The following KLC2 variants were observed in gnomAD, a reference collection of about 807,000 sequenced individuals.
KLC2 encodes the protein KLC 2.
Under a neutral mutation model 75.1 loss-of-function variants are expected in KLC2, and 35 were observed. That is an observed-to-expected ratio of 0.47 (90% CI 0.36 to 0.62). The LOEUF is 0.62. KLC2 is among the 20% of genes least tolerant of loss of function. The pLI is 0.00. For synonymous variants in KLC2, 314 were observed against 336.7 expected (o/e 0.93, Z 0.74); for missense variants, 611 against 833.2 (o/e 0.73, Z 3.28).
Position 66,262,138 on chromosome 11 carries a change from G to A in KLC2, c.475G>A (p.Val159Ile), listed in dbSNP as rs773382725. The A allele has an allele frequency of 1.4e-5, 23 of 1,613,302 alleles. No individual in the cohort carries two copies. Among genetic ancestry groups the A allele is most frequent in the South Asian group, 6.6e-5 (6 of 91,036 alleles). Residue 159 changes from valine to isoleucine, a missense_variant, in exon 4 of 16, where the codon GTC (valine) becomes ATC (isoleucine). Transcript: ENST00000394067. ...DASPNEEKGD[V>I]PKDTLDDLFP... Reference sequence around the variant, plus strand: ...TCCTTCCCAGGAGGAGAAGGGGGACGTCCCCAAAGACACACTGGATGACCT... The same window carrying A: ...TCCTTCCCAGGAGGAGAAGGGGGACATCCCCAAAGACACACTGGATGACCT...
At chr11:66,253,189 A>C (rs964317971), upstream of KLC2, among the ~76,000 whole-genome samples, 1 of 151,674 alleles carries the variant, frequency 6.6e-6, no homozygotes, top group South Asian at 2.1e-4. Context: ...GGCTAGTCTC[A>C]AACTCCTGAC....
chr11:66,261,002 T>G (rs1246074304), intron 2 of KLC2: 1 of 148,608 alleles, frequency 6.7e-6, no homozygotes, highest in Non-Finnish European at 1.5e-5. Context: ...GAGGCTGCAG[T>G]GAGCTGTGAC....
In KLC2 at chr11:66,261,936, C is replaced by A. The variant is rs1212852703; in HGVS notation, c.423C>A (p.Ser141Arg). ...AGAAGCAGCACTTGCTGTTCATGAG[C>A]CAGATCCGCAAGTTGGATGAAGACG... Reference protein sequence around the residue: ...EEEKQHLLFMSQIRKLDEDAS... With the variant: ...EEEKQHLLFMRQIRKLDEDAS... The change falls in exon 3 of 16, where the codon AGC (serine) becomes AGA (arginine). Residue 141 changes from serine to arginine, a missense_variant. Coordinates refer to ENST00000394067, the MANE Select transcript of KLC2 (RefSeq NM_001318734.2). The A allele has an allele frequency of 6.2e-7, 1 of 1,614,160 alleles. No individual in the cohort carries two copies. The highest frequency in any genetic ancestry group is 1.7e-5 in the Admixed American group (1 of 60,032).
the KLC2 span, among the ~76,000 whole-genome samples, chr11:66,246,506 G>A: frequency 3.9e-5 from 6 of 152,176 alleles, no homozygotes; most frequent in Admixed American, 3.9e-4. Flanking sequence ...ACTCCTTGAG[G>A]GCTTTTCTCC....
In KLC2 at chr11:66,267,117, C is replaced by T; in HGVS notation, c.*161C>T. ...TTCTCCCTTGTCATCTCAGCCTGAG[C>T]CCTGGAGGCTGGGCCTGCCCACTCC... On this transcript the variant is annotated 3_prime_UTR_variant, in exon 16 of 16. Coordinates refer to ENST00000394067, the MANE Select transcript of KLC2 (RefSeq NM_001318734.2). 6.5e-7 allele frequency: 1 copy of T among 1,529,616 alleles called. No individual in the cohort carries two copies. The highest frequency in any genetic ancestry group is 2.5e-5 in the East Asian group (1 of 40,708). The allele number at this position is 1,529,616 out of a possible 1,614,324, so 94.8% of individuals were successfully genotyped here.
chr11:66,250,597 A>G, the KLC2 span, among the ~76,000 whole-genome samples: 5 of 152,274 alleles, frequency 3.3e-5, no homozygotes, highest in South Asian at 6.2e-4. Flanking sequence ...CAAGCAGACC[A>G]TCGCCACACA....
chr11:66,264,039 A>C lies in KLC2; in HGVS notation c.943-7A>C. 6.2e-7 allele frequency: 1 copy of C among 1,608,938 alleles called. No homozygotes were observed. The highest frequency in any genetic ancestry group is 2.2e-5 in the East Asian group (1 of 44,676). On this transcript the variant is annotated splice_polypyrimidine_tract_variant and splice_region_variant and intron_variant, in intron 7 of 15. Transcript: ENST00000394067. ...AGCCCAACCCCTGGCTCCCTCTCCC[A>C]TCCCAGGTCCTGGGCAAGTTTCACC...
chr11:66,262,549 G>A (rs920805332), intron 4 of KLC2: 5 of 561,982 alleles, frequency 8.9e-6, no homozygotes, highest in Admixed American at 3.1e-5. Flanking sequence ...GTTATGCATC[G>A]GGGCCTCCAC....
chr11:66,255,973 T>G (rs930645501), upstream of KLC2, among the ~76,000 whole-genome samples: 1 of 151,838 alleles, frequency 6.6e-6, no homozygotes, highest in African/African-American at 2.4e-5. Context: ...ACTATATTGG[T>G]CAAGCTGGTC....
the KLC2 span, among the ~76,000 whole-genome samples, chr11:66,246,853 G>A: frequency 6.6e-6 from 1 of 152,164 alleles, no homozygotes; most frequent in Non-Finnish European, 1.5e-5. Context: ...CACCTGGCCT[G>A]TGGACAGCTC....
chr11:66,247,189 T>C, the KLC2 span, among the ~76,000 whole-genome samples: 2 of 152,224 alleles, frequency 1.3e-5, no homozygotes, highest in Non-Finnish European at 2.9e-5. Context: ...GACAGTGCCT[T>C]GCCCCTTCCT....
rs1856883161 is a variant in KLC2 at position 66,267,039 on chromosome 11, C to T, written c.*83C>T. ...CCCTGCGCATGGGCCTGCTGCTTGT[C>T]CCGCCTGTCTCTCCCACAGCCCCTG... On this transcript the variant is annotated 3_prime_UTR_variant, in exon 16 of 16. Coordinates refer to ENST00000394067, the MANE Select transcript of KLC2 (RefSeq NM_001318734.2). The T allele has an allele frequency of 1.3e-6, 2 of 1,580,834 alleles. No homozygotes were observed. The highest frequency in any genetic ancestry group is 2.3e-5 in the South Asian group (2 of 88,502).
At position 66,261,746 on chromosome 11, in the gene KLC2, T is replaced by C; in HGVS notation, c.233T>C (p.Ile78Thr). The change falls in exon 3 of 16, where the codon ATC becomes ACC. Residue 78 changes from isoleucine (I) to threonine (T), a missense_variant. Physicochemically the swap from Ile to Thr is moderately conservative, Grantham distance 89 (BLOSUM62 -1). Coordinates refer to ENST00000394067, the MANE Select transcript of KLC2 (RefSeq NM_001318734.2). Reference sequence around the variant, plus strand: ...TTACCTGGGCTGGTTGCACAGGTGATCTTGGCATTGTCGAGCCACCTGGGG... The same window carrying C: ...TTACCTGGGCTGGTTGCACAGGTGACCTTGGCATTGTCGAGCCACCTGGGG... ...IELGLGEAQV[I>T]LALSSHLGAV... is the part of the protein sequence containing the mutation. 1 of 1,609,652 alleles carries C rather than the reference T, an allele frequency of 6.2e-7. No individual in the cohort carries two copies.
chr11:66,252,580 T>A (rs1855973441), upstream of KLC2, among the ~76,000 whole-genome samples: 1 of 152,204 alleles, frequency 6.6e-6, no homozygotes, highest in Non-Finnish European at 1.5e-5. Context: ...GCCATTTTAT[T>A]GCATTCTCTG....
chr11:66,265,716 G>C lies in KLC2; in HGVS notation c.1396G>C (p.Glu466Gln). 1 of 1,613,890 alleles carries C rather than the reference G, an allele frequency of 6.2e-7. No homozygotes were observed. The highest frequency in any genetic ancestry group is 8.5e-7 in the Non-Finnish European group (1 of 1,179,954). The change falls in exon 12 of 16, where the codon GAA (glutamate) becomes CAA (glutamine). Residue 466 changes from glutamate (E) to glutamine (Q), a missense_variant. Glu to Gln is a conservative substitution (Grantham distance 29, BLOSUM62 2). Transcript: ENST00000394067. Reference protein sequence around the residue: ...GALYRRQGKLEAAHTLEDCAS... With the variant: ...GALYRRQGKLQAAHTLEDCAS... ...CCTATACCGGCGCCAGGGCAAGCTG[G>C]AAGCCGCGCACACACTAGAGGACTG...
At chr11:66,261,631 T>C (rs1346756540) in intron 2 of KLC2, 111 bp from the exon 3 acceptor site, 23 of 649,378 alleles carry the variant, frequency 3.5e-5, no homozygotes, top group Non-Finnish European at 5.9e-5. Flanking sequence ...CTCCTCACTG[T>C]AGGGCCAGGC....
intron 2 of KLC2, among the ~76,000 whole-genome samples, chr11:66,260,481 G>T (rs1232981552): frequency 6.6e-6 from 1 of 152,216 alleles, no homozygotes; most frequent in African/African-American, 2.4e-5. Flanking sequence ...GGAAGGACTG[G>T]GAAAGGGTGG....
At chr11:66,251,556 T>G in the KLC2 span, among the ~76,000 whole-genome samples, 1 of 100,462 alleles carries the variant, frequency 1.0e-5, no homozygotes, top group East Asian at 2.1e-4. Flanking sequence ...GCAGATCACC[T>G]GAGGTCAGGA....
chr11:66,252,803 G>A (rs1855974943), upstream of KLC2, among the ~76,000 whole-genome samples: 1 of 152,128 alleles, frequency 6.6e-6, no homozygotes, highest in African/African-American at 2.4e-5. Context: ...AGAGGGTGCA[G>A]ATTTGCCATA....
Sources: allele counts gnomAD v4.1 joint callset (sites outside exome capture counted in the v4.1 genomes callset), GRCh38; gene constraint gnomAD v4.1.1; transcripts MANE v1.5; gene names NCBI Gene and HGNC (gene_info 2026-07-23, HGNC 2026-07-21).